JAZF1: variants seen among roughly 807,000 people sequenced by gnomAD.
JAZF1 encodes JAZF zinc finger 1.
A neutral mutation model predicts 26.4 loss-of-function variants in JAZF1; 8 were observed. The ratio of observed to expected loss-of-function variants is 0.30; its 90% CI spans 0.18 to 0.55. The LOEUF is 0.55. Among genes scored for constraint, JAZF1 ranks in the 20% least tolerant of loss-of-function variants. JAZF1 has a pLI of 0.94. For synonymous variants in JAZF1, 126 were observed against 122.3 expected (o/e 1.03, Z -0.20); for missense variants, 199 against 322.0 (o/e 0.62, Z 2.92).
In JAZF1 at chr7:28,145,143, T is replaced by TA. The variant is rs534951115; in HGVS notation, c.115+35319dup. Among the ~76,000 whole-genome samples the TA allele has an allele frequency of 2.8e-3, 422 of 152,122 alleles. 3 individuals are homozygous for TA. The highest frequency in any genetic ancestry group is 4.1e-3 in the Admixed American group (62 of 15,260). On this transcript the variant is annotated intron_variant, in intron 1 of 4. Coordinates refer to ENST00000283928, the MANE Select transcript of JAZF1 (RefSeq NM_175061.4). Reference sequence around the variant, plus strand: ...GCATGATTTAGGCTGATAGAAAAATTAAAAAAATAAACCTAGAGAGCTCCC... The same window carrying TA: ...GCATGATTTAGGCTGATAGAAAAATTAAAAAAAATAAACCTAGAGAGCTCCC...
At chr7:27,989,925 T>C (rs373175703) in intron 2 of JAZF1, among the ~76,000 whole-genome samples, 3 of 152,330 alleles carry the variant, frequency 2.0e-5, no homozygotes, top group African/African-American at 7.2e-5. Flanking sequence ...CCAGCCATCC[T>C]ATTACTGGGC....
At chr7:28,112,747 G>A (rs1784682234) in intron 1 of JAZF1, among the ~76,000 whole-genome samples, 1 of 152,192 alleles carries the variant, frequency 6.6e-6, no homozygotes, top group African/African-American at 2.4e-5. Flanking sequence ...ATGGGAGGCA[G>A]GGGAGGAAGG....
chr7:28,112,146 A>G (rs900870348), intron 1 of JAZF1, among the ~76,000 whole-genome samples: 1 of 152,246 alleles, frequency 6.6e-6, no homozygotes, highest in Non-Finnish European at 1.5e-5. Flanking sequence ...TGGCTGTCCC[A>G]GAGTTACTTA....
rs113840145 is a variant in JAZF1 at position 28,098,578 on chromosome 7, T to C, written c.115+81885A>G. Among the ~76,000 whole-genome samples the C allele has an allele frequency of 2.4e-3, 366 of 152,260 alleles. 2 individuals are homozygous for C. Among genetic ancestry groups the C allele is most frequent in the Middle Eastern group, 0.01 (3 of 294 alleles). The stretch of plus-strand genomic sequence containing the variant: ...AATTCTGGTTCAGAATGGAACATTA[T>C]TCACTTTTTATTTCAGAGTCTCCTT... On this transcript the variant is annotated intron_variant, in intron 1 of 4. Coordinates refer to ENST00000283928, the MANE Select transcript of JAZF1 (RefSeq NM_175061.4).
At chr7:28,082,375 C>A (rs1250198568) in intron 1 of JAZF1, among the ~76,000 whole-genome samples, 5 of 152,166 alleles carry the variant, frequency 3.3e-5, no homozygotes, top group Non-Finnish European at 4.4e-5. Context: ...GTTGCTCTCC[C>A]GCCTCTGCCC....
chr7:27,844,177 TC>T (rs1423827581), intron 3 of JAZF1: 1 of 152,230 alleles, frequency 6.6e-6, no homozygotes, highest in Non-Finnish European at 1.5e-5. Flanking sequence ...GCGTGGGGTG[TC>T]CTGCAGAAAA....
At chr7:28,090,821 T>G (rs1349878855) in intron 1 of JAZF1, among the ~76,000 whole-genome samples, 2 of 144,922 alleles carry the variant, frequency 1.4e-5, no homozygotes, top group African/African-American at 2.5e-5. Context: ...TTAGTTGTTT[T>G]TTTTTTTTTT....
chr7:27,985,812 T>C (rs1317185524), intron 2 of JAZF1, among the ~76,000 whole-genome samples: 1 of 152,202 alleles, frequency 6.6e-6, no homozygotes, highest in African/African-American at 2.4e-5. Context: ...CTCAAATCAA[T>C]AAACGTAATC....
chr7:27,927,590 C>T (rs1464031792), intron 2 of JAZF1, among the ~76,000 whole-genome samples: 1 of 152,090 alleles, frequency 6.6e-6, no homozygotes, highest in Non-Finnish European at 1.5e-5. Flanking sequence ...TTTAATGCCT[C>T]CCTCTGCTTT....
At chr7:28,102,238 G>T (rs913026410) in intron 1 of JAZF1, among the ~76,000 whole-genome samples, 13 of 152,196 alleles carry the variant, frequency 8.5e-5, no homozygotes, top group African/African-American at 2.4e-4. Flanking sequence ...TTTGCTGCAA[G>T]GTAACCACAA....
At chr7:28,103,000 T>C (rs1208512414) in intron 1 of JAZF1, among the ~76,000 whole-genome samples, 20 of 152,020 alleles carry the variant, frequency 1.3e-4, no homozygotes, top group Admixed American at 1.3e-3. Flanking sequence ...CCTCGGTGAG[T>C]CACTCATCTT....
At chr7:28,117,715 G>A (rs963358655) in intron 1 of JAZF1, among the ~76,000 whole-genome samples, 1 of 152,120 alleles carries the variant, frequency 6.6e-6, no homozygotes, top group South Asian at 2.1e-4. Context: ...ACACTACAGA[G>A]GTAAATACAA....
intron 3 of JAZF1, among the ~76,000 whole-genome samples, chr7:27,877,107 G>A (rs576287818): frequency 1.3e-5 from 2 of 152,272 alleles, no homozygotes; most frequent in South Asian, 4.2e-4. Flanking sequence ...GCCGCTGCTG[G>A]AAAGCCAGCA....
intron 3 of JAZF1, among the ~76,000 whole-genome samples, chr7:27,891,786 T>C (rs544571626): frequency 1.3e-5 from 2 of 152,284 alleles, no homozygotes; most frequent in Non-Finnish European, 2.9e-5. Flanking sequence ...TGAGCTATGA[T>C]AGCATCACTG....
intron 2 of JAZF1, among the ~76,000 whole-genome samples, chr7:27,961,783 G>C (rs1314510048): frequency 6.6e-6 from 1 of 152,204 alleles, no homozygotes; most frequent in East Asian, 1.9e-4. Flanking sequence ...TCCGGACAGA[G>C]CAACACTGCA....
chr7:28,022,051 G>C (rs1318254409), intron 1 of JAZF1, among the ~76,000 whole-genome samples: 2 of 152,214 alleles, frequency 1.3e-5, no homozygotes, highest in Admixed American at 6.5e-5. Flanking sequence ...AAAGATAACT[G>C]CTATGAGAGC....
intron 1 of JAZF1, among the ~76,000 whole-genome samples, chr7:28,139,639 C>A (rs13247499): frequency 0.11 from 16,929 of 152,216 alleles, 1,443 homozygotes; most frequent in East Asian, 0.47. Context: ...CAATTCTAGT[C>A]CCCAGAAGTG....
At chr7:28,132,676 TAAAC>T (rs367906905) in intron 1 of JAZF1, among the ~76,000 whole-genome samples, 9 of 152,146 alleles carry the variant, frequency 5.9e-5, no homozygotes, top group African/African-American at 2.2e-4. Flanking sequence ...TCCACATGCA[TAAAC>T]ATAGATGGAA....
At chr7:28,069,303 C>A (rs934745066) in intron 1 of JAZF1, among the ~76,000 whole-genome samples, 3 of 152,208 alleles carry the variant, frequency 2.0e-5, no homozygotes, top group African/African-American at 7.2e-5. Flanking sequence ...GAGACTCATG[C>A]ATCATAGCTG....
Sources: allele counts gnomAD v4.1 joint callset (sites outside exome capture counted in the v4.1 genomes callset), GRCh38; gene constraint gnomAD v4.1.1; transcripts MANE v1.5; gene names NCBI Gene and HGNC (gene_info 2026-07-23, HGNC 2026-07-21).